The following IL2RA variants were observed in gnomAD, a reference collection of about 807,000 sequenced individuals.
The protein encoded by IL2RA is interleukin 2 receptor subunit alpha.
In IL2RA, 24 loss-of-function variants were observed where a neutral mutation model predicts 37.8. That is an observed-to-expected ratio of 0.63 (90% CI 0.46 to 0.89). The LOEUF is 0.89. IL2RA is among the 40% of genes least tolerant of loss of function. The pLI, the probability that IL2RA is intolerant of heterozygous loss-of-function variation, is 0.00. For synonymous variants in IL2RA, 125 were observed against 114.6 expected (o/e 1.09, Z -0.58); for missense variants, 319 against 348.6 (o/e 0.92, Z 0.68).
intron 1 of IL2RA, among the ~76,000 whole-genome samples, chr10:6,042,579 C>T (rs1170321085): frequency 6.6e-6 from 1 of 151,994 alleles, no homozygotes. Flanking sequence ...ATAAAATTGT[C>T]ATTTATAAGT....
rs1490373521 is a variant in IL2RA at position 6,018,045 on chromosome 10, A to G, written c.794+8T>C. Reference sequence around the variant, plus strand: ...GACCAAGGGCTGCCTTGGTGATGCCACACTTACTGTCTCCGCTGCCAGGTG... The same window carrying G: ...GACCAAGGGCTGCCTTGGTGATGCCGCACTTACTGTCTCCGCTGCCAGGTG... On this transcript the variant is annotated splice_region_variant and intron_variant, in intron 7 of 7. Coordinates refer to ENST00000379959, the MANE Select transcript of IL2RA (RefSeq NM_000417.3). The surrounding 1 kb of genome is among the most constrained non-coding windows in gnomAD (Gnocchi z 5.1). The G allele has an allele frequency of 1.2e-6, 2 of 1,612,976 alleles. No homozygotes were observed. Among genetic ancestry groups the G allele is most frequent in the African/African-American group, 2.7e-5 (2 of 74,860 alleles).
Position 6,035,563 on chromosome 10 carries a change from T to C in IL2RA, c.65-9538A>G, listed in dbSNP as rs1256513469. Among the ~76,000 whole-genome samples, 1 of 152,130 alleles carries C rather than the reference T, an allele frequency of 6.6e-6. No individual in the cohort carries two copies. The highest frequency in any genetic ancestry group is 2.4e-5 in the African/African-American group (1 of 41,414). On this transcript the variant is annotated intron_variant, in intron 1 of 7. Coordinates refer to ENST00000379959, the MANE Select transcript of IL2RA (RefSeq NM_000417.3). The surrounding 1 kb of genome is among the most constrained non-coding windows in gnomAD (Gnocchi z 5.4). ...GGCAATAAAAGTACTCTGGACACTGTTAAGGTGAGAAAAGAAAAGAAATCG... is the reference window on the plus strand; with the variant it reads ...GGCAATAAAAGTACTCTGGACACTGCTAAGGTGAGAAAAGAAAAGAAATCG...
chr10:6,038,874 GAAAAT>G (rs1471175099), intron 1 of IL2RA, among the ~76,000 whole-genome samples: 1 of 152,024 alleles, frequency 6.6e-6, no homozygotes, highest in Non-Finnish European at 1.5e-5. Context: ...GCTATTGGAA[GAAAAT>G]AAAATAGGAT....
chr10:6,042,834 CA>C (rs766710640), intron 1 of IL2RA, among the ~76,000 whole-genome samples: 16 of 152,006 alleles, frequency 1.1e-4, no homozygotes, highest in Non-Finnish European at 2.9e-5. Flanking sequence ...ATCAGATTGG[CA>C]AAAAATGTTA....
chr10:6,017,273 T>G (rs1003843697), intron 7 of IL2RA: 1 of 152,330 alleles, frequency 6.6e-6, no homozygotes, highest in Non-Finnish European at 1.5e-5. Flanking sequence ...CGGTGTGAGC[T>G]TCTGTGGACG....
At chr10:6,040,490 T>C (rs1839754932) in intron 1 of IL2RA, among the ~76,000 whole-genome samples, 1 of 152,244 alleles carries the variant, frequency 6.6e-6, no homozygotes, top group South Asian at 2.1e-4. Context: ...GGTTGTTGCC[T>C]GCCCACATTA....
At chr10:6,037,112 T>G (rs1019448901) in intron 1 of IL2RA, among the ~76,000 whole-genome samples, 7 of 152,250 alleles carry the variant, frequency 4.6e-5, no homozygotes, top group South Asian at 2.1e-4. Flanking sequence ...GCACAGTGAG[T>G]GCTGCTCAAT....
chr10:6,025,204 A>G lies in IL2RA; in HGVS notation c.256+630T>C, dbSNP rs1554829610. On this transcript the variant is annotated intron_variant, in intron 2 of 7. Transcript: ENST00000379959. The surrounding 1 kb of genome is among the most constrained non-coding windows in gnomAD (Gnocchi z 4.4). Reference sequence around the variant, plus strand: ...CCCCATCTTTGCTAAAAATAAAAAAATTAGCCAGGCATGGTGGTGCACACC... The same window carrying G: ...CCCCATCTTTGCTAAAAATAAAAAAGTTAGCCAGGCATGGTGGTGCACACC... Among the ~76,000 whole-genome samples, 1 of 151,978 alleles carries G rather than the reference A, an allele frequency of 6.6e-6. No homozygotes were observed. The highest frequency in any genetic ancestry group is 1.5e-5 in the Non-Finnish European group (1 of 68,004).
chr10:6,036,062 G>A lies in IL2RA; in HGVS notation c.65-10037C>T, dbSNP rs888677114. ...CTCCTCTGGAATGCATCATGGAACA[G>A]GTCTGGGAGAACAGAGGGTGCAGGT... On this transcript the variant is annotated intron_variant, in intron 1 of 7. Coordinates refer to ENST00000379959, the MANE Select transcript of IL2RA (RefSeq NM_000417.3). The surrounding 1 kb of genome is among the most constrained non-coding windows in gnomAD (Gnocchi z 6.1). The A allele has an allele frequency of 2.6e-5, 4 of 152,292 alleles. No individual in the cohort carries two copies. Among genetic ancestry groups the A allele is most frequent in the African/African-American group, 9.6e-5 (4 of 41,460 alleles). The allele number at this position is 152,292 out of a possible 1,614,324, so 9.4% of individuals were successfully genotyped here.
At position 6,028,673 on chromosome 10, in the gene IL2RA, C is replaced by T. The variant is rs188474811; in HGVS notation, c.65-2648G>A. Among the ~76,000 whole-genome samples the T allele has an allele frequency of 1.2e-3, 188 of 152,208 alleles. No individual in the cohort carries two copies. Among genetic ancestry groups the T allele is most frequent in the African/African-American group, 4.5e-3 (185 of 41,522 alleles). ...TGAAGAAACAGGAAAATGTGACATACTTGACCTACTCAAAAAAGTGCTCAA... is the reference window on the plus strand; with the variant it reads ...TGAAGAAACAGGAAAATGTGACATATTTGACCTACTCAAAAAAGTGCTCAA... On this transcript the variant is annotated intron_variant, in intron 1 of 7. Transcript: ENST00000379959. The surrounding 1 kb of genome is among the most constrained non-coding windows in gnomAD (Gnocchi z 4.1).
chr10:6,052,322 C>A (rs1339072145), intron 1 of IL2RA, among the ~76,000 whole-genome samples: 1 of 152,088 alleles, frequency 6.6e-6, no homozygotes, highest in African/African-American at 2.4e-5. Context: ...TCTGTGTGTT[C>A]CATCGACTCC....
chr10:6,055,687 T>C (rs1840031905), intron 1 of IL2RA, among the ~76,000 whole-genome samples: 1 of 32,826 alleles, frequency 3.0e-5, no homozygotes, highest in African/African-American at 5.4e-5. Flanking sequence ...GCCGCCATTG[T>C]CATCCTGGCC....
chr10:6,031,608 T>C (rs1458220422), intron 1 of IL2RA, among the ~76,000 whole-genome samples: 1 of 149,692 alleles, frequency 6.7e-6, no homozygotes, highest in Non-Finnish European at 1.5e-5. Flanking sequence ...TATTTACAAT[T>C]ACATCAAAAA....
chr10:6,058,000 C>T lies in IL2RA; in HGVS notation c.64+4088G>A, dbSNP rs1221240223. ...AATTAGCCAGGCGTGGTGGCAGGTG[C>T]CTGTAATCCCAGCTACTTGGGGAGG... is the stretch of plus-strand genomic sequence containing the variant. On this transcript the variant is annotated intron_variant, in intron 1 of 7. Transcript: ENST00000379959. This position sits in a 1 kb window ranked among gnomAD's most constrained non-coding sequence, Gnocchi z 4.8. Among the ~76,000 whole-genome samples, 1 of 152,128 alleles carries T rather than the reference C, an allele frequency of 6.6e-6. No homozygotes were observed. The highest frequency in any genetic ancestry group is 1.9e-4 in the East Asian group (1 of 5,198).
Position 6,012,709 on chromosome 10 carries a change from CT to C in IL2RA, c.*162del. ...AGCTGGCATAGAGACAAGGTTGCCA[CT>C]GCCCCGTGTCCTGTGATGTGACTTC... On this transcript the variant is annotated 3_prime_UTR_variant, in exon 8 of 8. Transcript: ENST00000379959. The surrounding 1 kb of genome is among the most constrained non-coding windows in gnomAD (Gnocchi z 4.8). 2 of 737,480 alleles carry C rather than the reference CT, an allele frequency of 2.7e-6. No homozygotes were observed. Among genetic ancestry groups the C allele is most frequent in the Non-Finnish European group, 4.9e-6 (2 of 409,082 alleles). The allele number at this position is 737,480 out of a possible 1,614,324, so 45.7% of individuals were successfully genotyped here.
At chr10:6,030,497 G>A (rs1170145587) in intron 1 of IL2RA, among the ~76,000 whole-genome samples, 1 of 152,036 alleles carries the variant, frequency 6.6e-6, no homozygotes, top group African/African-American at 2.4e-5. Flanking sequence ...CATATTCAAA[G>A]TTTTAAAAGA....
At chr10:6,043,111 T>C (rs1046834493) in intron 1 of IL2RA, among the ~76,000 whole-genome samples, 7 of 152,302 alleles carry the variant, frequency 4.6e-5, no homozygotes, top group African/African-American at 1.7e-4. Flanking sequence ...AATCTAATTG[T>C]CCATCAAAAG....
intron 1 of IL2RA, among the ~76,000 whole-genome samples, chr10:6,041,128 T>TC (rs1264230078): frequency 6.6e-6 from 1 of 150,968 alleles, no homozygotes; most frequent in Non-Finnish European, 1.5e-5. Flanking sequence ...TTTTTTTTTT[T>TC]TTTTTTTGAG....
Position 6,021,792 on chromosome 10 carries a change from T to C in IL2RA, c.368-99A>G. 5.6e-6 allele frequency: 5 copies of C among 885,870 alleles called. No homozygotes were observed. In the South Asian group the frequency reaches 6.8e-5, roughly 12 times the overall value. The allele number at this position is 885,870 out of a possible 1,614,324, so 54.9% of individuals were successfully genotyped here. A position where few individuals can be genotyped will look rare whatever the true frequency, so the allele number is the denominator to read the frequency against. ...AGGGACTGGACCTTGGTTCTTACTC[T>C]CTTGACTGCTTGCTCATCCTTTCAT... On this transcript the variant is annotated intron_variant, in intron 3 of 7. Coordinates refer to ENST00000379959, the MANE Select transcript of IL2RA (RefSeq NM_000417.3). The surrounding 1 kb of genome is among the most constrained non-coding windows in gnomAD (Gnocchi z 4.9).
Sources: gnomAD v4.1 joint callset for allele counts (sites outside exome capture counted in the v4.1 genomes callset) on GRCh38, gnomAD v4.1.1 for gene constraint, Gnocchi (gnomAD v3.1) non-coding constraint, MANE v1.5 for transcripts, NCBI Gene and HGNC (gene_info 2026-07-23, HGNC 2026-07-21) for gene names.